VWA8: variants seen among roughly 807,000 people sequenced by gnomAD.
VWA8 encodes the protein von Willebrand factor A domain-containing protein 8.
VWA8 carries 221 observed loss-of-function variants against 241.5 expected under a neutral mutation model. The observed-to-expected ratio is 0.91, with a 90% CI of 0.82 to 1.02. VWA8 has a LOEUF of 1.02. Among genes scored for constraint, VWA8 ranks in the 50% least tolerant of loss-of-function variants. VWA8 has a pLI of 0.00. For missense variants in VWA8, 2,322 were observed against 2,328.7 expected (o/e 1.00, Z 0.06); for synonymous variants, 852 against 827.1 (o/e 1.03, Z -0.52).
intron 2 of VWA8, among the ~76,000 whole-genome samples, chr13:41,936,896 AT>A (rs1877376435): frequency 6.6e-6 from 1 of 152,182 alleles, no homozygotes; most frequent in South Asian, 2.1e-4. Flanking sequence ...GTTCCAGGCA[AT>A]GATGGATTGC....
chr13:41,825,901 T>C (rs1871153162), intron 14 of VWA8, among the ~76,000 whole-genome samples: 2 of 152,192 alleles, frequency 1.3e-5, no homozygotes, highest in East Asian at 3.8e-4. Context: ...GTCATATTAC[T>C]TATAAGAACA....
chr13:41,726,542 T>C (rs554319905), intron 24 of VWA8, among the ~76,000 whole-genome samples: 5 of 152,310 alleles, frequency 3.3e-5, no homozygotes, highest in South Asian at 2.1e-4. Flanking sequence ...GTTAGGGGGA[T>C]GTGACAAAAG....
At chr13:41,796,358 TACC>T (rs1323255357) in intron 17 of VWA8, among the ~76,000 whole-genome samples, 2 of 152,316 alleles carry the variant, frequency 1.3e-5, no homozygotes, top group East Asian at 1.9e-4. Flanking sequence ...ATTTTTTAAC[TACC>T]AACTTTATTC....
chr13:41,945,688 T>G (rs1416577896), intron 2 of VWA8, among the ~76,000 whole-genome samples: 1 of 151,940 alleles, frequency 6.6e-6, no homozygotes, highest in Non-Finnish European at 1.5e-5. Flanking sequence ...ATCAGCAAAC[T>G]TGAAGATTAG....
At chr13:41,909,756 C>G (rs551928443) in intron 3 of VWA8, among the ~76,000 whole-genome samples, 5 of 152,134 alleles carry the variant, frequency 3.3e-5, no homozygotes, top group Admixed American at 3.3e-4. Flanking sequence ...TGCTGATTCA[C>G]GAAAGAGGCA....
At chr13:41,834,341 T>C (rs926605776) in intron 12 of VWA8, among the ~76,000 whole-genome samples, 1 of 152,264 alleles carries the variant, frequency 6.6e-6, no homozygotes, top group South Asian at 2.1e-4. Flanking sequence ...GTGCGACTTA[T>C]AGCAAAGAAA....
chr13:41,960,822 C>A (rs1015459894), intron 1 of VWA8, 31 bp downstream of exon 1: 3 of 1,508,440 alleles, frequency 2.0e-6, no homozygotes, highest in African/African-American at 2.9e-5. Context: ...CGCAGGGGCA[C>A]CAGGGAGGAC....
intron 26 of VWA8, among the ~76,000 whole-genome samples, chr13:41,705,796 G>A (rs1241445137): frequency 6.6e-6 from 1 of 152,154 alleles, no homozygotes; most frequent in Admixed American, 6.6e-5. Flanking sequence ...AGAGAGAAGT[G>A]TCACTGGTAA....
chr13:41,631,445 GC>G (rs1470583214), intron 37 of VWA8, among the ~76,000 whole-genome samples: 1 of 152,004 alleles, frequency 6.6e-6, no homozygotes, highest in Non-Finnish European at 1.5e-5. Context: ...TTAGTTTCAG[GC>G]CGAGCTCCTC....
chr13:41,630,660 C>T (rs1006376681), intron 37 of VWA8, among the ~76,000 whole-genome samples: 4 of 151,910 alleles, frequency 2.6e-5, no homozygotes, highest in Non-Finnish European at 5.9e-5. Flanking sequence ...TCCGTAAGTG[C>T]TATTATCGTG....
Position 41,903,123 on chromosome 13 carries a change from C to T in VWA8, c.483+4463G>A, listed in dbSNP as rs78850851. On this transcript the variant is annotated intron_variant, in intron 4 of 44. Transcript: ENST00000379310. The stretch of plus-strand genomic sequence containing the variant: ...AAGGCCTTTCGGTGTAACAAATATA[C>T]GTCTAGCTGGTAGTCAACTGGCAAA... Among the ~76,000 whole-genome samples, 1,213 of 152,180 alleles carry T rather than the reference C, an allele frequency of 8.0e-3. 9 individuals are homozygous for T. Among genetic ancestry groups the T allele is most frequent in the African/African-American group, 0.028 (1,145 of 41,522 alleles).
At chr13:41,587,399 G>T in intron 42 of VWA8, 113 bp downstream of exon 42, 4 of 1,378,584 alleles carry the variant, frequency 2.9e-6, no homozygotes, top group East Asian at 2.3e-5. Flanking sequence ...CTGCACTGAT[G>T]AATGAGCTGG....
intron 4 of VWA8, among the ~76,000 whole-genome samples, chr13:41,903,659 G>A (rs1477825434): frequency 6.6e-6 from 1 of 152,150 alleles, no homozygotes; most frequent in African/African-American, 2.4e-5. Context: ...GAAGGCAACT[G>A]CAGCTGCAGC....
intron 3 of VWA8, among the ~76,000 whole-genome samples, chr13:41,908,924 A>T (rs1875856809): frequency 6.6e-6 from 1 of 152,250 alleles, no homozygotes; most frequent in African/African-American, 2.4e-5. Context: ...ATACTGCCAT[A>T]CAAGGGGATT....
chr13:41,609,730 T>G (rs1288557548), intron 39 of VWA8, among the ~76,000 whole-genome samples: 1 of 152,162 alleles, frequency 6.6e-6, no homozygotes, highest in Non-Finnish European at 1.5e-5. Context: ...CATGTGTTTC[T>G]ATTTCTTTCT....
chr13:41,589,053 C>T (rs1044619557), intron 41 of VWA8, among the ~76,000 whole-genome samples: 1 of 152,094 alleles, frequency 6.6e-6, no homozygotes, highest in Non-Finnish European at 1.5e-5. Flanking sequence ...ATCACCAGAT[C>T]CTCTCTAAAT....
intron 12 of VWA8, among the ~76,000 whole-genome samples, chr13:41,834,545 TACTG>T: frequency 6.6e-6 from 1 of 152,286 alleles, no homozygotes; most frequent in South Asian, 2.1e-4. Flanking sequence ...ATCAAGAAAG[TACTG>T]ACTAAATGGC....
intron 37 of VWA8, among the ~76,000 whole-genome samples, chr13:41,667,619 T>C (rs940915477): frequency 5.9e-5 from 9 of 152,230 alleles, no homozygotes; most frequent in African/African-American, 1.9e-4. Flanking sequence ...TTTAAGCCTT[T>C]TTGCTCCCAC....
intron 17 of VWA8, among the ~76,000 whole-genome samples, chr13:41,795,058 A>G (rs559158419): frequency 2.0e-5 from 3 of 152,332 alleles, no homozygotes; most frequent in African/African-American, 7.2e-5. Context: ...TCCATCTGAC[A>G]AAAGTCTAAT....
Sources: gnomAD v4.1 joint callset for allele counts (sites outside exome capture counted in the v4.1 genomes callset) on GRCh38, gnomAD v4.1.1 for gene constraint, MANE v1.5 for transcripts, NCBI Gene and HGNC (gene_info 2026-07-23, HGNC 2026-07-21) for gene names.